The following SCART1 variants were observed in gnomAD, a reference collection of about 807,000 sequenced individuals.
The protein encoded by SCART1 is scavenger receptor cysteine-rich domain-containing protein SCART1.
In SCART1, 62 loss-of-function variants were observed where a neutral mutation model predicts 36.2. That is an observed-to-expected ratio of 1.71 (90% CI 1.40 to 2.12). The LOEUF (loss-of-function observed/expected upper bound fraction) is 2.12. Ranked by LOEUF, SCART1 falls within the 30% of genes most tolerant of loss-of-function variation. The probability of loss-of-function intolerance (pLI) is 0.00; values close to 1 mark genes in which losing one functional copy is unlikely to be tolerated. For synonymous variants in SCART1, 487 were observed against 238.7 expected (o/e 2.04, Z -9.59); for missense variants, 1,041 against 540.5 (o/e 1.93, Z -9.18).
At chr10:133,459,036 A>ACGG (rs1415481981) in exon 5 of SCART1, 2 of 692,518 alleles carry the variant, frequency 2.9e-6, no homozygotes, top group Admixed American at 2.0e-5. Flanking sequence ...AGGATGGTCA[A>ACGG]CGGCAGCAGC....
chr10:133,457,224 G>A lies in SCART1; in HGVS notation c.386-55G>A. On this transcript the variant is annotated intron_variant, in intron 2 of 11. Coordinates refer to ENST00000640237, the Ensembl canonical transcript of SCART1. ...CTCCCTGAAAAAGGAGCTGCCGAGT[G>A]ACCATGCGGCCAGCTGGGTCCATAC... 23 of 683,590 alleles carry A rather than the reference G, an allele frequency of 3.4e-5. 1 individual carries two copies. In the South Asian group the frequency reaches 3.6e-4, roughly 11 times the overall value. 42.3% of individuals were successfully genotyped at this position (683,590 alleles called of 1,614,324 possible).
At chr10:133,457,499 C>A (rs1049328774) in exon 3 of SCART1, 5 of 702,302 alleles carry the variant, frequency 7.1e-6, no homozygotes, top group African/African-American at 1.7e-5. Context: ...CCGAGCCCAC[C>A]ATCCGCAGCT....
At chr10:133,457,140 C>T (rs935942503) in intron 2 of SCART1, 139 bp from the exon 3 acceptor site, 31 of 631,062 alleles carry the variant, frequency 4.9e-5, no homozygotes, top group South Asian at 2.6e-4. Flanking sequence ...GCCCAGGGCC[C>T]TGTGTGACTG....
chr10:133,455,296 G>A (rs1451907187), intron 1 of SCART1, among the ~76,000 whole-genome samples: 5 of 152,132 alleles, frequency 3.3e-5, no homozygotes, highest in Non-Finnish European at 5.9e-5. Flanking sequence ...ACACCAGCAC[G>A]CATCCATGTC....
At chr10:133,464,457 AG>A in intron 6 of SCART1, 148 bp from the exon 7 acceptor site, 1 of 584,544 alleles carries the variant, frequency 1.7e-6, no homozygotes, top group Non-Finnish European at 3.0e-6. Context: ...ATTGTGTAGT[AG>A]CTCTAGTTTA....
At chr10:133,454,105 C>T (rs1304005668) in intron 1 of SCART1, 41 bp downstream of exon 1, 1 of 702,416 alleles carries the variant, frequency 1.4e-6, no homozygotes, top group Admixed American at 2.0e-5. Context: ...TTTCTGGAGG[C>T]ATCAGCTCTG....
Position 133,456,218 on chromosome 10 carries a change from T to C in SCART1, c.68-19T>C, listed in dbSNP as rs1487679998. 1.4e-6 allele frequency: 1 copy of C among 697,784 alleles called. No homozygotes were observed. The highest frequency in any genetic ancestry group is 2.6e-6 in the Non-Finnish European group (1 of 381,494). 43.2% of individuals were successfully genotyped at this position (697,784 alleles called of 1,614,324 possible). ...TCTGGTTGGTTCTGGCCCCTCTAAC[T>C]GGACCTGTCTGTCTGTAGGTGGACC... On this transcript the variant is annotated intron_variant, in intron 1 of 11. Transcript: ENST00000640237.
chr10:133,460,168 C>G lies in SCART1; in HGVS notation c.1967C>G (p.Ser656Ter), dbSNP rs1266168017. ...AAGGAGGACGCCGGCGTCTTCTGCT[C>G]AGGTGAGCGGCCGTTGGGTATGGAA... The change falls in exon 6 of 12, where the codon TCA (serine) becomes TGA (stop). Residue 656 changes from serine (S) to a stop codon, truncating the protein, a stop_gained and splice_region_variant. Coordinates refer to ENST00000640237, the Ensembl canonical transcript of SCART1. LOFTEE classifies it high-confidence loss of function. 2 of 497,398 alleles carry G rather than the reference C, an allele frequency of 4.0e-6. No individual in the cohort carries two copies. Among genetic ancestry groups the G allele is most frequent in the East Asian group, 3.5e-5 (1 of 28,708 alleles). The allele number at this position is 497,398 out of a possible 1,614,324, so 30.8% of individuals were successfully genotyped here.
intron 1 of SCART1, among the ~76,000 whole-genome samples, chr10:133,454,478 G>A (rs1296397980): frequency 6.6e-6 from 1 of 152,172 alleles, no homozygotes; most frequent in Non-Finnish European, 1.5e-5. Flanking sequence ...TTGAGCATGG[G>A]GTCCCATGGA....
chr10:133,454,865 T>C (rs570110824), intron 1 of SCART1, among the ~76,000 whole-genome samples: 4 of 152,206 alleles, frequency 2.6e-5, no homozygotes, highest in Non-Finnish European at 5.9e-5. Context: ...TGGCCACAGA[T>C]GGATGGAAGC....
chr10:133,463,847 A>G (rs1185204863), intron 6 of SCART1, among the ~76,000 whole-genome samples: 1 of 152,128 alleles, frequency 6.6e-6, no homozygotes, highest in Non-Finnish European at 1.5e-5. Flanking sequence ...TCCTCCTTCC[A>G]GCGATTTGAA....
chr10:133,467,332 A>C, exon 11 of SCART1: 1 of 702,366 alleles, frequency 1.4e-6, no homozygotes, highest in Non-Finnish European at 2.6e-6. Flanking sequence ...AAGTGTGGTG[A>C]AGGTGGACAC....
intron 1 of SCART1, among the ~76,000 whole-genome samples, chr10:133,454,266 T>C (rs1185794581): frequency 6.6e-6 from 1 of 152,258 alleles, no homozygotes; most frequent in East Asian, 1.9e-4. Context: ...CCCCAGACCC[T>C]AGCCCCACTG....
intron 9 of SCART1, 99 bp from the exon 10 acceptor site, chr10:133,466,136 G>A: frequency 1.6e-6 from 1 of 642,852 alleles, no homozygotes; most frequent in Non-Finnish European, 2.8e-6. Flanking sequence ...TCCTCCATGA[G>A]GGAGAGGGTG....
chr10:133,467,443 GAGCCTGGCTTCAGA>G (rs1564836393), intron 11 of SCART1, 90 bp downstream of exon 11: 3 of 620,272 alleles, frequency 4.8e-6, no homozygotes, highest in Middle Eastern at 8.2e-4. Flanking sequence ...CTGACCACAG[GAGCCTGGCTTCAGA>G]AGGCTGCTGA....
rs763536212 is a variant in SCART1 at position 133,467,841 on chromosome 10, C to A, written c.2963-6C>A. On this transcript the variant is annotated splice_polypyrimidine_tract_variant and splice_region_variant and intron_variant, in intron 11 of 11. Transcript: ENST00000640237. ...TGATTTGGTCACGCGGTGTCTCTTG[C>A]GCCAGTTTCAGGGGAGGTGTCTAAC... 1 of 675,738 alleles carries A rather than the reference C, an allele frequency of 1.5e-6. No individual in the cohort carries two copies. Among genetic ancestry groups the A allele is most frequent in the South Asian group, 1.6e-5 (1 of 64,482 alleles). 41.9% of individuals were successfully genotyped at this position (675,738 alleles called of 1,614,324 possible).
chr10:133,462,606 C>A (rs1176491456), intron 6 of SCART1, among the ~76,000 whole-genome samples: 4 of 152,230 alleles, frequency 2.6e-5, no homozygotes, highest in Non-Finnish European at 5.9e-5. Context: ...GTGGCTCCGA[C>A]CTCTGTGGTC....
chr10:133,456,396 G>A (rs1432510010), exon 2 of SCART1: 2 of 702,908 alleles, frequency 2.8e-6, no homozygotes, highest in South Asian at 3.0e-5. Context: ...CCTGCCGTGG[G>A]CGCCCCCAAG....
chr10:133,469,448 G>A (rs11101768), downstream of SCART1, among the ~76,000 whole-genome samples: 4,230 of 152,196 alleles, frequency 0.028, 153 homozygotes, highest in African/African-American at 0.092. Context: ...TTGCAGGGAC[G>A]TGGATGAAGC....
Sources: gnomAD v4.1 joint callset for allele counts (sites outside exome capture counted in the v4.1 genomes callset) on GRCh38, gnomAD v4.1.1 for gene constraint, MANE v1.5 for transcripts, NCBI Gene and HGNC (gene_info 2026-07-23, HGNC 2026-07-21) for gene names.